Variants in CCDC178 observed in about 807,000 individuals in gnomAD.
CCDC178 encodes the protein coiled-coil domain-containing protein 178.
CCDC178 carries 126 observed loss-of-function variants against 117.4 expected under a neutral mutation model. The observed-to-expected ratio is 1.07, with a 90% CI of 0.93 to 1.24. The LOEUF (loss-of-function observed/expected upper bound fraction) is 1.24. CCDC178 is among the 50% of genes most tolerant of loss of function. The pLI, the probability that CCDC178 is intolerant of heterozygous loss-of-function variation, is 0.00. For synonymous variants in CCDC178, 283 were observed against 313.4 expected (o/e 0.90, Z 1.02); for missense variants, 1,030 against 986.9 (o/e 1.04, Z -0.59).
intron 22 of CCDC178, among the ~76,000 whole-genome samples, chr18:32,961,604 C>A (rs2054704194): frequency 6.6e-6 from 1 of 152,132 alleles, no homozygotes; most frequent in African/African-American, 2.4e-5. Flanking sequence ...ACAGACAGAG[C>A]AGGGAATAGT....
intron 20 of CCDC178, among the ~76,000 whole-genome samples, chr18:33,207,289 T>C (rs1051399882): frequency 1.3e-5 from 2 of 152,112 alleles, no homozygotes; most frequent in African/African-American, 4.8e-5. Context: ...AATAGAATTA[T>C]AGACCAATAG....
chr18:32,987,950 G>C (rs753291267), intron 21 of CCDC178, among the ~76,000 whole-genome samples: 2 of 151,786 alleles, frequency 1.3e-5, no homozygotes, highest in Non-Finnish European at 2.9e-5. Context: ...GGTGGCAGAC[G>C]CCTGCAATCC....
chr18:33,267,642 G>A (rs1435622558), intron 12 of CCDC178, among the ~76,000 whole-genome samples: 2 of 151,266 alleles, frequency 1.3e-5, no homozygotes, highest in East Asian at 3.9e-4. Flanking sequence ...TTAGACTCAA[G>A]AATAAGATCA....
intron 20 of CCDC178, among the ~76,000 whole-genome samples, chr18:33,189,159 AG>A (rs2058829169): frequency 1.3e-5 from 2 of 152,172 alleles, no homozygotes; most frequent in Admixed American, 1.3e-4. Flanking sequence ...CTGTGATGAA[AG>A]TAAATGGAAA....
At chr18:33,186,120 G>T (rs1330184109) in intron 20 of CCDC178, among the ~76,000 whole-genome samples, 1 of 152,048 alleles carries the variant, frequency 6.6e-6, no homozygotes, top group Non-Finnish European at 1.5e-5. Context: ...TGATGTAGTT[G>T]ATGAGGCCTG....
At chr18:33,142,223 G>C (rs1156894808) in intron 20 of CCDC178, among the ~76,000 whole-genome samples, 1 of 152,082 alleles carries the variant, frequency 6.6e-6, no homozygotes. Flanking sequence ...GGATGTTACT[G>C]GTGTCTAACA....
At chr18:33,433,438 T>C (rs1275395429) in intron 2 of CCDC178, among the ~76,000 whole-genome samples, 1 of 152,176 alleles carries the variant, frequency 6.6e-6, no homozygotes, top group Admixed American at 6.5e-5. Flanking sequence ...ATGAGTTTTC[T>C]TTTCCTACTA....
chr18:33,291,952 C>T (rs969251185), intron 12 of CCDC178, among the ~76,000 whole-genome samples: 4 of 151,188 alleles, frequency 2.6e-5, no homozygotes, highest in African/African-American at 7.3e-5. Flanking sequence ...TACTCTTAAA[C>T]GTTGTTGTTG....
chr18:33,371,758 T>C (rs1341083214), intron 5 of CCDC178, among the ~76,000 whole-genome samples: 2 of 147,336 alleles, frequency 1.4e-5, no homozygotes, highest in Admixed American at 7.0e-5. Context: ...ACAGTCCATC[T>C]TTCCTCTTTA....
At position 33,279,958 on chromosome 18, in the gene CCDC178, G is replaced by A. The variant is rs546343245; in HGVS notation, c.1177-12661C>T. Among the ~76,000 whole-genome samples, 26 of 151,464 alleles carry A rather than the reference G, an allele frequency of 1.7e-4. No individual in the cohort carries two copies. The South Asian group carries it at 4.2e-3, about 24-fold the overall frequency. On this transcript the variant is annotated intron_variant, in intron 12 of 22. Coordinates refer to ENST00000383096, the MANE Select transcript of CCDC178 (RefSeq NM_001105528.4). ...CCTTATACAAAAATTAATTAAAGAC[G>A]GATTAAAGACTTAAATATTAGACCT...
At chr18:32,987,964 C>T (rs1176284626) in intron 21 of CCDC178, among the ~76,000 whole-genome samples, 1 of 151,854 alleles carries the variant, frequency 6.6e-6, no homozygotes, top group Non-Finnish European at 1.5e-5. Context: ...GCAATCCCAG[C>T]TACTTGGGAG....
At chr18:33,370,022 AT>A in intron 6 of CCDC178, 27 bp downstream of exon 6, 1 of 1,517,514 alleles carries the variant, frequency 6.6e-7, no homozygotes, top group Non-Finnish European at 8.8e-7. Flanking sequence ...GCTTACCAAA[AT>A]ATCAGCATTT....
chr18:33,081,088 G>A (rs1197583486), intron 21 of CCDC178, among the ~76,000 whole-genome samples: 1 of 152,150 alleles, frequency 6.6e-6, no homozygotes, highest in East Asian at 1.9e-4. Flanking sequence ...TCAGTAACTA[G>A]TGCCCAGGCT....
chr18:33,316,277 C>T (rs1308325509), intron 11 of CCDC178, among the ~76,000 whole-genome samples: 1 of 152,170 alleles, frequency 6.6e-6, no homozygotes, highest in Admixed American at 6.5e-5. Flanking sequence ...TGCGGGATAG[C>T]GCGAGTTCCG....
At chr18:33,199,332 C>T (rs1598991463) in intron 20 of CCDC178, among the ~76,000 whole-genome samples, 1 of 152,136 alleles carries the variant, frequency 6.6e-6, no homozygotes, top group African/African-American at 2.4e-5. Context: ...ACCTATTGCC[C>T]TGCCACTCAA....
At chr18:33,069,101 CTA>C (rs113528823) in intron 21 of CCDC178, among the ~76,000 whole-genome samples, 1 of 152,046 alleles carries the variant, frequency 6.6e-6, no homozygotes, top group African/African-American at 2.4e-5. Flanking sequence ...GTTAAAATGA[CTA>C]TACTGCCCAA....
At chr18:33,166,263 A>G (rs1462994560) in intron 20 of CCDC178, among the ~76,000 whole-genome samples, 1 of 152,226 alleles carries the variant, frequency 6.6e-6, no homozygotes, top group Non-Finnish European at 1.5e-5. Context: ...CTTGGTAACA[A>G]GTTAAAAATA....
chr18:33,421,798 T>C (rs950430740), intron 2 of CCDC178, among the ~76,000 whole-genome samples: 3 of 152,120 alleles, frequency 2.0e-5, no homozygotes, highest in Non-Finnish European at 4.4e-5. Flanking sequence ...AACAGGGATA[T>C]GAGAATGAAT....
intron 20 of CCDC178, among the ~76,000 whole-genome samples, chr18:33,117,932 G>T (rs569651885): frequency 6.6e-6 from 1 of 152,062 alleles, no homozygotes; most frequent in Non-Finnish European, 1.5e-5. Context: ...GCCCTGGAGG[G>T]CCTCCTTATT....
Sources: gnomAD v4.1 joint callset for allele counts (sites outside exome capture counted in the v4.1 genomes callset) on GRCh38, gnomAD v4.1.1 for gene constraint, MANE v1.5 for transcripts, NCBI Gene and HGNC (gene_info 2026-07-23, HGNC 2026-07-21) for gene names.